PPME1: variants seen among roughly 807,000 people sequenced by gnomAD.
PPME1 encodes testicular secretory protein Li 39.
In PPME1, 17 loss-of-function variants were observed where a neutral mutation model predicts 56.9. That is an observed-to-expected ratio of 0.30 (90% CI 0.20 to 0.45). PPME1 has a LOEUF of 0.45. Among genes scored for constraint, PPME1 ranks in the 20% least tolerant of loss-of-function variants. PPME1 has a pLI of 1.00. For synonymous variants in PPME1, 122 were observed against 156.2 expected (o/e 0.78, Z 1.63); for missense variants, 357 against 483.2 (o/e 0.74, Z 2.45).
intron 9 of PPME1, chr11:74,243,391 A>G (rs1432389860): frequency 6.6e-6 from 1 of 151,884 alleles, no homozygotes. Context: ...TTCTTACCTT[A>G]AATTTGTCAT....
chr11:74,213,083 A>C (rs996446178), intron 3 of PPME1, among the ~76,000 whole-genome samples: 11 of 152,106 alleles, frequency 7.2e-5, no homozygotes, highest in Admixed American at 6.5e-5. Flanking sequence ...TTCTGGACCT[A>C]CCCTGGGCCA....
chr11:74,216,509 TTATAGC>T (rs1417520096), intron 3 of PPME1, among the ~76,000 whole-genome samples: 1 of 152,040 alleles, frequency 6.6e-6, no homozygotes, highest in Admixed American at 6.6e-5. Flanking sequence ...AAAGGAAAGT[TTATAGC>T]TATAAGAGCC....
intron 3 of PPME1, among the ~76,000 whole-genome samples, chr11:74,218,203 A>G (rs1192335716): frequency 6.6e-6 from 1 of 152,102 alleles, no homozygotes; most frequent in Admixed American, 6.5e-5. Flanking sequence ...GGAATTAACC[A>G]AAGAAGTGAA....
chr11:74,181,049 T>A (rs1260816555), intron 1 of PPME1, among the ~76,000 whole-genome samples: 1 of 145,292 alleles, frequency 6.9e-6, no homozygotes, highest in Non-Finnish European at 1.5e-5. Context: ...TTTTTTTTTT[T>A]TTTTTTGAGA....
chr11:74,241,103 A>G (rs1032053434), intron 9 of PPME1, among the ~76,000 whole-genome samples: 5 of 152,210 alleles, frequency 3.3e-5, no homozygotes, highest in Non-Finnish European at 7.3e-5. Flanking sequence ...GAGAGGGTGA[A>G]CTGAGGCACA....
intron 1 of PPME1, among the ~76,000 whole-genome samples, chr11:74,200,357 TTGTGTGTGTGTGTGTGTGTGTGTGTG>T (rs71919163): frequency 6.9e-6 from 1 of 145,832 alleles, no homozygotes; most frequent in South Asian, 2.2e-4. Flanking sequence ...GTCATGTGTT[TTGTGTGTGTGTGTGTGTGTGTGTGTG>T]TGTGTGTGTG....
intron 1 of PPME1, among the ~76,000 whole-genome samples, chr11:74,199,800 T>C (rs1034955814): frequency 6.6e-6 from 1 of 152,210 alleles, no homozygotes; most frequent in Non-Finnish European, 1.5e-5. Flanking sequence ...GAAATAGGCA[T>C]GTCTTACATG....
chr11:74,240,873 C>T (rs1480334911), intron 9 of PPME1, among the ~76,000 whole-genome samples: 2 of 152,234 alleles, frequency 1.3e-5, no homozygotes, highest in Non-Finnish European at 2.9e-5. Context: ...AAGCACTATG[C>T]TGAATGCTTC....
At chr11:74,175,984 G>T in intron 1 of PPME1, among the ~76,000 whole-genome samples, 1 of 152,084 alleles carries the variant, frequency 6.6e-6, no homozygotes, top group East Asian at 1.9e-4. Flanking sequence ...GCCCAACTTA[G>T]GTATTTACAT....
chr11:74,210,436 T>C (rs964844897), intron 3 of PPME1, among the ~76,000 whole-genome samples: 3 of 152,144 alleles, frequency 2.0e-5, no homozygotes, highest in Non-Finnish European at 4.4e-5. Flanking sequence ...AGACAAGTGC[T>C]GTGTTTTGGA....
intron 1 of PPME1, among the ~76,000 whole-genome samples, chr11:74,202,709 CACTT>C (rs1173071172): frequency 6.6e-6 from 1 of 152,080 alleles, no homozygotes; most frequent in Non-Finnish European, 1.5e-5. Flanking sequence ...TGTGAATAGA[CACTT>C]ACTGATTTAT....
intron 5 of PPME1, among the ~76,000 whole-genome samples, chr11:74,227,104 T>G (rs1591053948): frequency 6.6e-6 from 1 of 152,062 alleles, no homozygotes; most frequent in Non-Finnish European, 1.5e-5. Flanking sequence ...ACAAAAACAC[T>G]GGGTTGGGGA....
chr11:74,223,021 C>T (rs1858839295), intron 4 of PPME1, among the ~76,000 whole-genome samples: 1 of 151,442 alleles, frequency 6.6e-6, no homozygotes, highest in African/African-American at 2.4e-5. Context: ...ATACATGTGC[C>T]ATGCTGGTGC....
chr11:74,235,701 C>CT (rs1199380637), intron 7 of PPME1, 200 bp from the exon 8 acceptor site: 2 of 755,614 alleles, frequency 2.6e-6, no homozygotes, highest in Non-Finnish European at 4.0e-6. Context: ...ACTGAAATGG[C>CT]TATGATGTTT....
At chr11:74,184,202 C>A (rs1447327459) in intron 1 of PPME1, among the ~76,000 whole-genome samples, 1 of 152,080 alleles carries the variant, frequency 6.6e-6, no homozygotes, top group Non-Finnish European at 1.5e-5. Context: ...CCTTTTCATT[C>A]CTTTAATTAA....
intron 9 of PPME1, among the ~76,000 whole-genome samples, chr11:74,243,063 G>T (rs1859414160): frequency 6.6e-6 from 1 of 152,034 alleles, no homozygotes; most frequent in Non-Finnish European, 1.5e-5. Flanking sequence ...GCCTGTGGTG[G>T]ATGCCCTTGT....
chr11:74,218,322 G>A (rs765286891), intron 3 of PPME1, among the ~76,000 whole-genome samples: 3 of 152,114 alleles, frequency 2.0e-5, no homozygotes, highest in South Asian at 2.1e-4. Context: ...TAAAGTGTCC[G>A]TAGCACCCAA....
At chr11:74,188,273 C>T (rs1004948163) in intron 1 of PPME1, among the ~76,000 whole-genome samples, 16 of 151,420 alleles carry the variant, frequency 1.1e-4, no homozygotes, top group African/African-American at 2.2e-4. Flanking sequence ...CTGCAACCTC[C>T]GCCTCCCGGT....
intron 3 of PPME1, 114 bp downstream of exon 3, chr11:74,204,559 C>T: frequency 2.4e-6 from 2 of 817,772 alleles, no homozygotes; most frequent in Non-Finnish European, 4.0e-6. Flanking sequence ...ATTGCTATTC[C>T]AGGCATACAC....
Sources: allele counts gnomAD v4.1 joint callset (sites outside exome capture counted in the v4.1 genomes callset), GRCh38; gene constraint gnomAD v4.1.1; transcripts MANE v1.5; gene names NCBI Gene and HGNC (gene_info 2026-07-23, HGNC 2026-07-21).